The following CEP128 variants were observed in gnomAD, a reference collection of about 807,000 sequenced individuals.
CEP128 encodes the protein centrosomal protein 128kDa.
CEP128 carries 132 observed loss-of-function variants against 156.7 expected under a neutral mutation model. The observed-to-expected ratio is 0.84, with a 90% CI of 0.73 to 0.97. The LOEUF is 0.97. CEP128 is among the 50% of genes least tolerant of loss of function. The pLI, the probability that CEP128 is intolerant of heterozygous loss-of-function variation, is 0.00. For synonymous variants in CEP128, 469 were observed against 448.9 expected, an observed-to-expected ratio of 1.04 and a Z score of -0.57; for missense variants, 1,252 against 1,281.9, an observed-to-expected ratio of 0.98 and a Z score of 0.36.
intron 13 of CEP128, among the ~76,000 whole-genome samples, chr14:80,810,457 T>C (rs964361170): frequency 2.0e-5 from 3 of 150,620 alleles, no homozygotes; most frequent in African/African-American, 7.3e-5. Flanking sequence ...TTAAAACATA[T>C]AGATTGACTG....
chr14:80,951,405 G>A (rs1886461467), intron 2 of CEP128, among the ~76,000 whole-genome samples: 1 of 152,046 alleles, frequency 6.6e-6, no homozygotes, highest in African/African-American at 2.4e-5. Context: ...GTGTTGAAGG[G>A]TTCTTTTAAA....
chr14:80,629,665 C>T (rs1314118292), intron 19 of CEP128, among the ~76,000 whole-genome samples: 2 of 151,894 alleles, frequency 1.3e-5, no homozygotes, highest in East Asian at 1.9e-4. Context: ...CTCTATAGGC[C>T]TAGGGTTTGC....
chr14:80,626,091 G>T (rs545017646), intron 19 of CEP128, among the ~76,000 whole-genome samples: 3 of 152,310 alleles, frequency 2.0e-5, no homozygotes, highest in Admixed American at 2.0e-4. Context: ...AGACTTTGCA[G>T]ATTTTAAGGA....
chr14:80,561,913 T>TATATATATATATATATATATATATATA (rs1566781226), intron 20 of CEP128, among the ~76,000 whole-genome samples: 5 of 148,492 alleles, frequency 3.4e-5, no homozygotes, highest in African/African-American at 1.0e-4. Context: ...TATATATATA[T>TATATATATATATATATATATATATATA]TTGTTTTGTT....
chr14:80,661,729 T>C (rs893677564), intron 19 of CEP128, among the ~76,000 whole-genome samples: 2 of 152,170 alleles, frequency 1.3e-5, no homozygotes, highest in African/African-American at 2.4e-5. Context: ...TTCAAATAAA[T>C]ATATGTATTA....
At position 80,797,137 on chromosome 14, in the gene CEP128, C is replaced by T. The variant is rs1883536524; in HGVS notation, c.1210-4027G>A. Among the ~76,000 whole-genome samples the T allele has an allele frequency of 1.3e-5, 2 of 152,160 alleles. 1 individual carries two copies. Among genetic ancestry groups the T allele is most frequent in the East Asian group, 3.9e-4 (2 of 5,192 alleles). On this transcript the variant is annotated intron_variant, in intron 13 of 24. Coordinates refer to ENST00000555265, the MANE Select transcript of CEP128 (RefSeq NM_152446.5). ...TTCTTTGGATTTCTCCAGCAACTCA[C>T]TTGAACCCAGAAGCAAAGTAACTTC...
chr14:80,791,702 G>C (rs184876655), intron 14 of CEP128, among the ~76,000 whole-genome samples: 4 of 152,178 alleles, frequency 2.6e-5, no homozygotes, highest in African/African-American at 9.7e-5. Context: ...CAGCCACCCA[G>C]TATGTGTCAG....
At chr14:80,572,168 A>G (rs531382087) in intron 20 of CEP128, among the ~76,000 whole-genome samples, 6 of 152,344 alleles carry the variant, frequency 3.9e-5, no homozygotes, top group African/African-American at 1.4e-4. Context: ...AGCATAAAAT[A>G]AGTGAGTTTT....
At position 80,826,140 on chromosome 14, in the gene CEP128, A is replaced by G. The variant is rs557905269; in HGVS notation, c.1209+5003T>C. On this transcript the variant is annotated intron_variant, in intron 13 of 24. Transcript: ENST00000555265. ...AAAAAAAAAAAACAGCTCTGCCAAT[A>G]GTCATCTTTGTGAAAAATACAGAAG... 2.6e-5 allele frequency among the ~76,000 whole-genome samples: 4 copies of G among 151,578 alleles called. No homozygotes were observed. The East Asian group carries it at 7.8e-4, about 29-fold the overall frequency.
At chr14:80,918,288 T>C (rs1248456910) in intron 2 of CEP128, among the ~76,000 whole-genome samples, 1 of 152,250 alleles carries the variant, frequency 6.6e-6, no homozygotes, top group East Asian at 1.9e-4. Context: ...AAATCACTTG[T>C]ATGCATCTCA....
At chr14:80,556,291 C>T (rs1890433871) in intron 21 of CEP128, among the ~76,000 whole-genome samples, 1 of 152,150 alleles carries the variant, frequency 6.6e-6, no homozygotes, top group South Asian at 2.1e-4. Flanking sequence ...CATTGCCGTG[C>T]TTCTGGGGAA....
At chr14:80,738,624 G>C (rs995250054) in intron 19 of CEP128, among the ~76,000 whole-genome samples, 1 of 152,058 alleles carries the variant, frequency 6.6e-6, no homozygotes, top group Non-Finnish European at 1.5e-5. Context: ...GGTAAGTACA[G>C]TATAATAAGA....
intron 4 of CEP128, 44 bp from the exon 5 acceptor site, chr14:80,906,125 C>A: frequency 1.4e-6 from 2 of 1,410,382 alleles, no homozygotes; most frequent in Non-Finnish European, 1.9e-6. Context: ...TCTTCTTAAA[C>A]AACTTCCAAA....
exon 15 of CEP128, chr14:80,477,434 T>C (rs1291877779): frequency 4.6e-5 from 7 of 152,166 alleles, no homozygotes; most frequent in Admixed American, 4.6e-4. Context: ...TTTTAGAATG[T>C]TCCAAAAGAA....
At chr14:80,943,917 C>A (rs1886262940), upstream of CEP128, among the ~76,000 whole-genome samples, 1 of 151,610 alleles carries the variant, frequency 6.6e-6, no homozygotes, top group Admixed American at 6.6e-5. Context: ...TCATTTGAAC[C>A]TGGGAGGTGG....
chr14:80,608,680 C>G (rs1178909273), intron 19 of CEP128, among the ~76,000 whole-genome samples: 1 of 152,160 alleles, frequency 6.6e-6, no homozygotes, highest in Non-Finnish European at 1.5e-5. Context: ...AAATCTACAT[C>G]TGTTTCTTCT....
chr14:80,532,286 T>G (rs1889263877), intron 21 of CEP128, among the ~76,000 whole-genome samples: 1 of 152,086 alleles, frequency 6.6e-6, no homozygotes, highest in South Asian at 2.1e-4. Flanking sequence ...CTCAACCTCC[T>G]GGGCTCAAGG....
At chr14:80,559,376 A>T in intron 20 of CEP128, 74 bp from the exon 21 acceptor site, 1 of 1,204,018 alleles carries the variant, frequency 8.3e-7, no homozygotes, top group Non-Finnish European at 1.2e-6. Context: ...TTAATTTACA[A>T]GTATTCTATT....
At chr14:80,864,162 A>G (rs1887655057) in intron 8 of CEP128, among the ~76,000 whole-genome samples, 1 of 152,178 alleles carries the variant, frequency 6.6e-6, no homozygotes, top group Non-Finnish European at 1.5e-5. Context: ...AGCTTACTTT[A>G]TTATAAGAAT....
Sources: gnomAD v4.1 joint callset for allele counts (sites outside exome capture counted in the v4.1 genomes callset) on GRCh38, gnomAD v4.1.1 for gene constraint, MANE v1.5 for transcripts, NCBI Gene and HGNC (gene_info 2026-07-23, HGNC 2026-07-21) for gene names.